POLI: variants seen among roughly 807,000 people sequenced by gnomAD.
The protein encoded by POLI is RAD30 homolog B.
Under a neutral mutation model 51.6 loss-of-function variants are expected in POLI, and 58 were observed. The observed-to-expected ratio is 1.12, with a 90% CI of 0.91 to 1.40. The LOEUF is 1.40. Among genes scored for constraint, POLI ranks in the 40% most tolerant of loss-of-function variants. POLI has a pLI of 0.00. For synonymous variants in POLI, 322 were observed against 299.7 expected (o/e 1.07, Z -0.77); for missense variants, 921 against 871.3 (o/e 1.06, Z -0.72).
intron 2 of POLI, among the ~76,000 whole-genome samples, chr18:54,271,917 C>T (rs2087022572): frequency 6.6e-6 from 1 of 152,126 alleles, no homozygotes; most frequent in African/African-American, 2.4e-5. Context: ...GGATTTTGAA[C>T]ATAAACCTAA....
chr18:54,276,421 C>A (rs1349097538), intron 3 of POLI, among the ~76,000 whole-genome samples: 1 of 152,088 alleles, frequency 6.6e-6, no homozygotes, highest in Non-Finnish European at 1.5e-5. Context: ...GTCCTGTGAC[C>A]TAAAATCAGT....
intron 7 of POLI, among the ~76,000 whole-genome samples, chr18:54,285,521 A>AGAGTGT (rs1491165782): frequency 3.5e-5 from 5 of 144,674 alleles, no homozygotes; most frequent in Admixed American, 6.9e-5. Context: ...AAATTACAGG[A>AGAGTGT]GTGTGTGTGT....
rs1353028478 is a variant in POLI, at chr18:54,296,042, C to A, written c.*1575C>A. ...CAGGAACAGTAACTTGAAGCAAGAA[C>A]ATCAGAAATTGTTCACCATGCAAAT... On this transcript the variant is annotated 3_prime_UTR_variant, in exon 10 of 10. Transcript: ENST00000579534. 1 of 984,768 alleles carries A rather than the reference C, an allele frequency of 1.0e-6. No individual in the cohort carries two copies. Among genetic ancestry groups the A allele is most frequent in the Non-Finnish European group, 1.2e-6 (1 of 829,510 alleles). The allele number at this position is 984,768 out of a possible 1,614,324, so 61.0% of individuals were successfully genotyped here.
chr18:54,311,117 T>G (rs1323940253), intron 3 of POLI: 19 of 983,626 alleles, frequency 1.9e-5, no homozygotes, highest in Non-Finnish European at 2.3e-5. Flanking sequence ...GTGAAATCAG[T>G]ATGCTGCCAC....
At chr18:54,273,579 AATTG>A (rs536622135) in intron 2 of POLI, among the ~76,000 whole-genome samples, 79 of 152,188 alleles carry the variant, frequency 5.2e-4, no homozygotes, top group African/African-American at 1.8e-3. Flanking sequence ...GTATATGAAT[AATTG>A]ATCTATCGTC....
Position 54,295,212 on chromosome 18 carries a change from G to GAAGAAGC in POLI, c.*746_*747insAGAAGCA, listed in dbSNP as rs2088261128. Reference sequence around the variant, plus strand: ...AGGTGATGGGCCTATAAGCATACTGGATAATGGAAGAAGTCCATTTCTTTC... The same window carrying GAAGAAGC: ...AGGTGATGGGCCTATAAGCATACTGGAAGAAGCATAATGGAAGAAGTCCATTTCTTTC... On this transcript the variant is annotated 3_prime_UTR_variant, in exon 10 of 10. Transcript: ENST00000579534. The GAAGAAGC allele has an allele frequency of 2.0e-6, 2 of 985,270 alleles. No individual in the cohort carries two copies. The highest frequency in any genetic ancestry group is 3.5e-5 in the African/African-American group (2 of 57,226). The allele number at this position is 985,270 out of a possible 1,614,324, so 61.0% of individuals were successfully genotyped here. A position where few individuals can be genotyped will look rare whatever the true frequency, so the allele number is the denominator to read the frequency against.
At chr18:54,309,990 G>A (rs2088649533) in intron 3 of POLI, among the ~76,000 whole-genome samples, 1 of 152,194 alleles carries the variant, frequency 6.6e-6, no homozygotes. Flanking sequence ...GATACAGTCT[G>A]TCAGGGCTTC....
intron 8 of POLI, among the ~76,000 whole-genome samples, chr18:54,291,088 G>A (rs534602754): frequency 3.3e-5 from 5 of 152,166 alleles, no homozygotes; most frequent in Non-Finnish European, 5.9e-5. Context: ...TGTATGGGGA[G>A]CTTGGGCCCT....
chr18:54,277,102 G>A (rs2087277956), intron 3 of POLI, among the ~76,000 whole-genome samples: 1 of 152,118 alleles, frequency 6.6e-6, no homozygotes, highest in African/African-American at 2.4e-5. Flanking sequence ...TAGATATTGT[G>A]CTAGACGCTG....
Position 54,298,038 on chromosome 18 carries a change from G to A in POLI, c.*3571G>A, listed in dbSNP as rs766010420. 1 of 968,472 alleles carries A rather than the reference G, an allele frequency of 1.0e-6. No homozygotes were observed. The highest frequency in any genetic ancestry group is 1.2e-6 in the Non-Finnish European group (1 of 814,762). The allele number at this position is 968,472 out of a possible 1,614,324, so 60.0% of individuals were successfully genotyped here. A position where few individuals can be genotyped will look rare whatever the true frequency, so the allele number is the denominator to read the frequency against. On this transcript the variant is annotated 3_prime_UTR_variant, in exon 10 of 10. Coordinates refer to ENST00000579534, the MANE Select transcript of POLI (RefSeq NM_007195.3). ...AGTTTTTATTATATGTCTAGCTATA[G>A]ATTTATCATGGATTTAGGTTCATTA...
chr18:54,271,542 A>G, intron 2 of POLI, 57 bp downstream of exon 2: 1 of 1,183,502 alleles, frequency 8.4e-7, no homozygotes, highest in Non-Finnish European at 1.2e-6. Flanking sequence ...GCAACTCATC[A>G]TGCTCATTAT....
chr18:54,314,282 T>G (rs1239517847), intron 3 of POLI, among the ~76,000 whole-genome samples: 1 of 152,104 alleles, frequency 6.6e-6, no homozygotes, highest in Non-Finnish European at 1.5e-5. Flanking sequence ...ATTTATTGAT[T>G]TGTATATGTT....
chr18:54,288,217 AGTT>A (rs1441744899), intron 8 of POLI, among the ~76,000 whole-genome samples: 2 of 152,168 alleles, frequency 1.3e-5, no homozygotes, highest in Non-Finnish European at 2.9e-5. Context: ...CTTTGATTAT[AGTT>A]GTTCTAGCGG....
Position 54,296,167 on chromosome 18 carries a change from T to C in POLI, c.*1700T>C. On this transcript the variant is annotated 3_prime_UTR_variant, in exon 10 of 10. Transcript: ENST00000579534. Reference sequence around the variant, plus strand: ...GGGTATATAACTTTTTGTAAATCATTAAAACATTTTATAGTCCTTGTAATG... The same window carrying C: ...GGGTATATAACTTTTTGTAAATCATCAAAACATTTTATAGTCCTTGTAATG... 1.0e-6 allele frequency: 1 copy of C among 984,522 alleles called. No individual in the cohort carries two copies. The highest frequency in any genetic ancestry group is 1.7e-5 in the African/African-American group (1 of 57,318). The allele number at this position is 984,522 out of a possible 1,614,324, so 61.0% of individuals were successfully genotyped here.
chr18:54,280,022 A>G (rs1299700693), intron 4 of POLI, among the ~76,000 whole-genome samples: 1 of 152,200 alleles, frequency 6.6e-6, no homozygotes, highest in Non-Finnish European at 1.5e-5. Flanking sequence ...CCCACTACAC[A>G]GTCACTATCA....
chr18:54,298,105 T>G lies in POLI; in HGVS notation c.*3638T>G. The G allele has an allele frequency of 3.2e-6, 3 of 951,658 alleles. No homozygotes were observed. Among genetic ancestry groups the G allele is most frequent in the Non-Finnish European group, 3.8e-6 (3 of 799,228 alleles). 59.0% of individuals were successfully genotyped at this position (951,658 alleles called of 1,614,324 possible). On this transcript the variant is annotated 3_prime_UTR_variant, in exon 10 of 10. Coordinates refer to ENST00000579534, the MANE Select transcript of POLI (RefSeq NM_007195.3). Reference sequence around the variant, plus strand: ...TGTCTTCCATCAAATCTGGATTGTTTTCAATATTAAAAAAACTTCTATTTT... The same window carrying G: ...TGTCTTCCATCAAATCTGGATTGTTGTCAATATTAAAAAAACTTCTATTTT...
chr18:54,272,867 A>G (rs1042463542), intron 2 of POLI, among the ~76,000 whole-genome samples: 1 of 152,082 alleles, frequency 6.6e-6, no homozygotes, highest in Middle Eastern at 3.4e-3. Flanking sequence ...TTTTTTATGT[A>G]GTTCACTGAG....
chr18:54,301,907 A>AT (rs1475399929), downstream of POLI, among the ~76,000 whole-genome samples: 1 of 151,962 alleles, frequency 6.6e-6, no homozygotes, highest in Non-Finnish European at 1.5e-5. Flanking sequence ...GTTCTTGTTC[A>AT]TTTTTTCTCA....
At chr18:54,301,739 C>G (rs1036975736), downstream of POLI, among the ~76,000 whole-genome samples, 5 of 152,196 alleles carry the variant, frequency 3.3e-5, no homozygotes, top group Non-Finnish European at 1.5e-5. Context: ...TCTGGCTTCT[C>G]TCCTCCAGGG....
Sources: allele counts gnomAD v4.1 joint callset (sites outside exome capture counted in the v4.1 genomes callset), GRCh38; gene constraint gnomAD v4.1.1; transcripts MANE v1.5; gene names NCBI Gene and HGNC (gene_info 2026-07-23, HGNC 2026-07-21).